KANSL3: variants seen among roughly 807,000 people sequenced by gnomAD.
KANSL3 encodes NSL complex protein NSL3.
KANSL3 carries 16 observed loss-of-function variants against 89.2 expected under a neutral mutation model. That is an observed-to-expected ratio of 0.18 (90% CI 0.12 to 0.27). The LOEUF is 0.27. Among genes scored for constraint, KANSL3 ranks in the 10% least tolerant of loss-of-function variants. The probability of loss-of-function intolerance (pLI) is 1.00; values close to 1 mark genes in which losing one functional copy is unlikely to be tolerated. For synonymous variants in KANSL3, 385 were observed against 419.7 expected, an observed-to-expected ratio of 0.92 and a Z score of 1.01; for missense variants, 879 against 1,110.6, an observed-to-expected ratio of 0.79 and a Z score of 2.96.
chr2:96,636,345 G>GAA (rs2074243919), intron 2 of KANSL3, among the ~76,000 whole-genome samples: 1 of 152,184 alleles, frequency 6.6e-6, no homozygotes, highest in African/African-American at 2.4e-5. Flanking sequence ...GTCAATTTAT[G>GAA]AAACTTCCTT....
chr2:96,610,407 C>T, intron 11 of KANSL3: 1 of 179,728 alleles, frequency 5.6e-6, no homozygotes, highest in East Asian at 1.4e-4. Context: ...GCTCCGCCTT[C>T]TGGGTTCACA....
At chr2:96,610,996 T>C (rs1357039870) in intron 10 of KANSL3, 68 bp downstream of exon 10, 13 of 1,580,704 alleles carry the variant, frequency 8.2e-6, no homozygotes, top group Non-Finnish European at 1.1e-5. Context: ...AGCATCAGCT[T>C]GGACAAGGCA....
chr2:96,609,140 TA>T, intron 12 of KANSL3, 76 bp from the exon 13 acceptor site: 1 of 1,288,984 alleles, frequency 7.8e-7, no homozygotes, highest in Non-Finnish European at 1.1e-6. Context: ...ACTTTCCAAC[TA>T]AAACAGATTC....
chr2:96,609,414 A>G, intron 12 of KANSL3, 85 bp downstream of exon 12: 1 of 1,261,188 alleles, frequency 7.9e-7, no homozygotes. Flanking sequence ...CTTAGAGCCA[A>G]AGAGACCACT....
rs2067834125 is a variant in KANSL3, at chr2:96,605,443, G to A, written c.1810C>T (p.His604Tyr). Residue 604 changes from histidine to tyrosine, a missense_variant, in exon 15 of 21, where the codon CAT becomes TAT. Physicochemically the swap from His to Tyr is moderately conservative, Grantham distance 83. Coordinates refer to ENST00000431828, the MANE Select transcript of KANSL3 (RefSeq NM_001115016.3). ...EDLRVQLKRH[H>Y]PSSPLPGSKT... ...CTGCCAGGAAGGGGACTCGAGGGAT[G>A]GTGTCGCTTCAGCTGAACCCTAAGA... is the stretch of plus-strand genomic sequence containing the variant. 6 of 1,613,826 alleles carry A rather than the reference G, an allele frequency of 3.7e-6. No homozygotes were observed. Among genetic ancestry groups the A allele is most frequent in the Non-Finnish European group, 4.2e-6 (5 of 1,179,846 alleles).
the KANSL3 span, among the ~76,000 whole-genome samples, chr2:96,586,615 T>A: frequency 1.1e-3 from 166 of 152,348 alleles, no homozygotes; most frequent in Non-Finnish European, 2.1e-3. Flanking sequence ...TTCATGGCTT[T>A]TAAAAATTGA....
At chr2:96,617,243 C>T (rs900891247) in intron 5 of KANSL3, among the ~76,000 whole-genome samples, 4 of 152,112 alleles carry the variant, frequency 2.6e-5, no homozygotes, top group Non-Finnish European at 4.4e-5. Context: ...CTAGAAAATA[C>T]ACTCCACCAG....
At chr2:96,620,836 T>TA (rs972097535) in intron 3 of KANSL3, among the ~76,000 whole-genome samples, 4 of 151,502 alleles carry the variant, frequency 2.6e-5, no homozygotes, top group Admixed American at 1.3e-4. Flanking sequence ...ACCCCATCTC[T>TA]AAAAAAAATA....
downstream of KANSL3, among the ~76,000 whole-genome samples, chr2:96,591,148 T>C (rs759619848): frequency 3.4e-4 from 52 of 152,106 alleles, no homozygotes; most frequent in Non-Finnish European, 4.1e-4. Flanking sequence ...TACCATGAAA[T>C]ACCACTCAGC....
intron 5 of KANSL3, among the ~76,000 whole-genome samples, chr2:96,616,190 A>G (rs1220917514): frequency 6.6e-6 from 1 of 152,246 alleles, no homozygotes; most frequent in South Asian, 2.1e-4. Flanking sequence ...ACCGCAAAGG[A>G]TAAGACCAAA....
the KANSL3 span, among the ~76,000 whole-genome samples, chr2:96,584,498 A>G: frequency 6.6e-6 from 1 of 152,208 alleles, no homozygotes; most frequent in African/African-American, 2.4e-5. Flanking sequence ...GGAATTTGAA[A>G]ATCTATAATA....
At chr2:96,589,661 GAT>G (rs1272836767), downstream of KANSL3, among the ~76,000 whole-genome samples, 1 of 152,044 alleles carries the variant, frequency 6.6e-6, no homozygotes, top group Non-Finnish European at 1.5e-5. Flanking sequence ...AATCAGCAAG[GAT>G]ATACAAGAAC....
intron 1 of KANSL3, chr2:96,638,039 CG>C (rs2074502766): frequency 6.6e-6 from 1 of 152,344 alleles, no homozygotes; most frequent in South Asian, 2.0e-4. Context: ...GCCTGGCCCC[CG>C]CCTCCCGCCT....
At chr2:96,610,121 A>G (rs931453218) in intron 11 of KANSL3, among the ~76,000 whole-genome samples, 7 of 152,112 alleles carry the variant, frequency 4.6e-5, no homozygotes, top group Admixed American at 1.3e-4. Flanking sequence ...CTGATGAAAC[A>G]TGAGTCTGTA....
intron 3 of KANSL3, among the ~76,000 whole-genome samples, chr2:96,620,906 G>A (rs973643889): frequency 6.6e-6 from 1 of 152,094 alleles, no homozygotes; most frequent in East Asian, 1.9e-4. Context: ...GGAGCCTGAG[G>A]TGGGAGAATC....
At chr2:96,628,631 G>A (rs1558770748) in intron 3 of KANSL3, 1 of 153,616 alleles carries the variant, frequency 6.5e-6, no homozygotes, top group African/African-American at 2.4e-5. Flanking sequence ...ACTGCAGTCT[G>A]GGTGACAGAG....
At chr2:96,623,076 G>A (rs949691839) in intron 3 of KANSL3, among the ~76,000 whole-genome samples, 1 of 152,188 alleles carries the variant, frequency 6.6e-6, no homozygotes, top group Non-Finnish European at 1.5e-5. Context: ...GGCCAAGATG[G>A]CCAGGACTTT....
intron 16 of KANSL3, 63 bp from the exon 17 acceptor site, chr2:96,604,443 T>C (rs556317529): frequency 2.5e-5 from 40 of 1,578,164 alleles, no homozygotes; most frequent in Admixed American, 1.7e-4. Context: ...CTAGCAACAC[T>C]GGCAGGGTAC....
intron 3 of KANSL3, among the ~76,000 whole-genome samples, chr2:96,624,809 C>A (rs951395184): frequency 6.6e-6 from 1 of 152,116 alleles, no homozygotes; most frequent in Non-Finnish European, 1.5e-5. Flanking sequence ...GGTATGAAGT[C>A]ACCATGCCCA....
Sources: allele counts gnomAD v4.1 joint callset (sites outside exome capture counted in the v4.1 genomes callset), GRCh38; gene constraint gnomAD v4.1.1; transcripts MANE v1.5; gene names NCBI Gene and HGNC (gene_info 2026-07-23, HGNC 2026-07-21).